Variants in SOX6 observed in about 807,000 individuals in gnomAD.
The protein encoded by SOX6 is SRY-box transcription factor 6.
A neutral mutation model predicts 97.8 loss-of-function variants in SOX6; 11 were observed. That is an observed-to-expected ratio of 0.11 (90% CI 0.07 to 0.19). The LOEUF is 0.19. Among genes scored for constraint, SOX6 ranks in the 10% least tolerant of loss-of-function variants. SOX6 has a pLI of 1.00. For missense variants in SOX6, 810 were observed against 1,039.5 expected (o/e 0.78, Z 3.04); for synonymous variants, 360 against 371.4 (o/e 0.97, Z 0.35).
chr11:16,127,295 A>AT (rs1366037999), intron 6 of SOX6, among the ~76,000 whole-genome samples: 1 of 152,046 alleles, frequency 6.6e-6, no homozygotes, highest in Non-Finnish European at 1.5e-5. Flanking sequence ...CTAGAAATTG[A>AT]TTTTTGTTGT....
intron 3 of SOX6, among the ~76,000 whole-genome samples, chr11:16,256,627 C>T (rs1436940117): frequency 2.6e-5 from 4 of 151,872 alleles, no homozygotes; most frequent in African/African-American, 9.7e-5. Flanking sequence ...TCAAAGCTTT[C>T]CCAGTAAGAT....
At chr11:16,286,166 T>C (rs1023650516) in intron 3 of SOX6, among the ~76,000 whole-genome samples, 1 of 152,124 alleles carries the variant, frequency 6.6e-6, no homozygotes, top group African/African-American at 2.4e-5. Flanking sequence ...AATAAGAGAA[T>C]GTCTTTTACA....
chr11:16,523,891 G>A (rs1223358429), intron 4 of SOX6, among the ~76,000 whole-genome samples: 1 of 152,152 alleles, frequency 6.6e-6, no homozygotes, highest in Admixed American at 6.5e-5. Flanking sequence ...AGAAGAAATG[G>A]ATAAATTCCT....
chr11:16,501,775 C>G (rs1400603303), intron 4 of SOX6, among the ~76,000 whole-genome samples: 1 of 152,158 alleles, frequency 6.6e-6, no homozygotes, highest in East Asian at 1.9e-4. Context: ...CCATCTTACA[C>G]CAGTTAGAAT....
intron 15 of SOX6, among the ~76,000 whole-genome samples, chr11:15,985,778 A>G (rs916067136): frequency 2.6e-5 from 4 of 152,192 alleles, no homozygotes; most frequent in African/African-American, 7.2e-5. Context: ...GAGGCCAATT[A>G]TCTTGTGGTA....
At position 16,697,830 on chromosome 11, in the gene SOX6, T is replaced by C. The variant is rs892337809; in HGVS notation, n.429+17000A>G. Among the ~76,000 whole-genome samples, 8 of 152,328 alleles carry C rather than the reference T, an allele frequency of 5.3e-5. No homozygotes were observed. The South Asian group carries it at 6.2e-4, about 12-fold the overall frequency. Reference sequence around the variant, plus strand: ...AGAGCTCTTGGGTAACCAGGTGCACTGTCAATGAGCACTGTCTTGAAAGGA... The same window carrying C: ...AGAGCTCTTGGGTAACCAGGTGCACCGTCAATGAGCACTGTCTTGAAAGGA... On this transcript the variant is annotated intron_variant and non_coding_transcript_variant, in intron 3 of 5. Coordinates refer to the SOX6 transcript ENST00000524520.
chr11:16,569,868 C>CAAAAAAAAAAAAAAAAAAAA (rs34604334), intron 4 of SOX6, among the ~76,000 whole-genome samples: 1,719 of 84,420 alleles, frequency 0.02, 117 homozygotes, highest in East Asian at 0.082. Context: ...GACTCCGTCT[C>CAAAAAAAAAAAAAAAAAAAA]AAAAAAAAAA....
rs1399002693 is a variant in SOX6, at chr11:16,055,630, A to AT, written c.1251+121dup. The AT allele has an allele frequency of 1.2e-5, 14 of 1,154,000 alleles. No individual in the cohort carries two copies. In the Admixed American group the frequency reaches 2.6e-4, roughly 21 times the overall value. The allele number at this position is 1,154,000 out of a possible 1,614,324, so 71.5% of individuals were successfully genotyped here. ...TATGAAATTTACCATAAAGAGGGAC[A>AT]TTTTGGGGTTGCTTTATGTTGCTAT... On this transcript the variant is annotated intron_variant, in intron 10 of 15. Transcript: ENST00000683767.
At chr11:16,397,815 G>C (rs1209592543) in intron 1 of SOX6, among the ~76,000 whole-genome samples, 1 of 151,520 alleles carries the variant, frequency 6.6e-6, no homozygotes, top group South Asian at 2.1e-4. Flanking sequence ...CAAGATACAA[G>C]ATACATGAAG....
At chr11:15,981,061 TG>T (rs979660574) in intron 15 of SOX6, among the ~76,000 whole-genome samples, 13 of 152,120 alleles carry the variant, frequency 8.5e-5, no homozygotes, top group Admixed American at 8.5e-4. Flanking sequence ...AACAAATCAA[TG>T]AACAAAATAA....
intron 13 of SOX6, among the ~76,000 whole-genome samples, chr11:15,995,001 T>C (rs1263872393): frequency 6.6e-6 from 1 of 152,194 alleles, no homozygotes; most frequent in East Asian, 1.9e-4. Context: ...CTGGTCTTCA[T>C]AGCATGGAGT....
intron 1 of SOX6, among the ~76,000 whole-genome samples, chr11:16,405,044 C>T (rs193271395): frequency 5.3e-4 from 80 of 152,032 alleles, no homozygotes; most frequent in Non-Finnish European, 8.8e-4. Context: ...TTAGATTAAT[C>T]GGAGGCTCCT....
intron 4 of SOX6, among the ~76,000 whole-genome samples, chr11:16,213,810 T>C (rs1233437810): frequency 6.6e-6 from 1 of 152,168 alleles, no homozygotes. Flanking sequence ...CAAAACTAAC[T>C]TCATTTAATA....
intron 4 of SOX6, among the ~76,000 whole-genome samples, chr11:16,554,194 T>C (rs922484262): frequency 3.9e-5 from 6 of 152,138 alleles, no homozygotes; most frequent in African/African-American, 1.4e-4. Flanking sequence ...ATTGAGTCAC[T>C]GTGAACTAAT....
At chr11:16,181,985 C>T (rs527792646) in intron 6 of SOX6, among the ~76,000 whole-genome samples, 7 of 151,842 alleles carry the variant, frequency 4.6e-5, no homozygotes, top group Admixed American at 2.0e-4. Flanking sequence ...AACATTACTC[C>T]TATCTTTTCA....
At chr11:16,650,604 G>T (rs368953227) in intron 3 of SOX6, among the ~76,000 whole-genome samples, 66 of 151,924 alleles carry the variant, frequency 4.3e-4, no homozygotes, top group African/African-American at 1.5e-3. Context: ...ACATAAAAAA[G>T]CCTCTGGTAT....
In SOX6 at chr11:15,972,975, G is replaced by C. The variant is rs771672979; in HGVS notation, c.2321C>G (p.Pro774Arg). ...STSASPEPSLPVIQSTYGMKT... is the reference protein window; with the variant it reads ...STSASPEPSLRVIQSTYGMKT... ...CATACCATAAGTGCTCTGGATGACC[G>C]GGAGGCTGGGCTCCGGGCTGGCCGA... Residue 774 changes from proline (P) to arginine (R), a missense_variant, in exon 16 of 16, where the codon CCG becomes CGG. Transcript: ENST00000683767. 4 of 1,614,156 alleles carry C rather than the reference G, an allele frequency of 2.5e-6. No homozygotes were observed. Among genetic ancestry groups the C allele is most frequent in the Non-Finnish European group, 3.4e-6 (4 of 1,180,020 alleles).
chr11:16,013,675 C>G (rs1232082098), intron 13 of SOX6, among the ~76,000 whole-genome samples: 1 of 141,910 alleles, frequency 7.0e-6, no homozygotes, highest in African/African-American at 2.5e-5. Flanking sequence ...ACATATACAT[C>G]CTAATCAGAA....
chr11:16,228,123 G>A (rs935130896), intron 4 of SOX6, among the ~76,000 whole-genome samples: 18 of 151,702 alleles, frequency 1.2e-4, no homozygotes, highest in African/African-American at 4.1e-4. Context: ...GCTTGAACCC[G>A]GGAGGCAGAG....
Sources: allele counts gnomAD v4.1 joint callset (sites outside exome capture counted in the v4.1 genomes callset), GRCh38; gene constraint gnomAD v4.1.1; transcripts MANE v1.5; gene names NCBI Gene and HGNC (gene_info 2026-07-23, HGNC 2026-07-21).